CPA6: variants seen among roughly 807,000 people sequenced by gnomAD.
The protein encoded by CPA6 is carboxypeptidase A6, also known as carboxypeptidase B.
CPA6 carries 58 observed loss-of-function variants against 63.3 expected under a neutral mutation model. The observed-to-expected ratio is 0.92, with a 90% CI of 0.74 to 1.14. The LOEUF (loss-of-function observed/expected upper bound fraction) is 1.14, where lower values mean the gene tolerates loss of function less well. Ranked by LOEUF, CPA6 falls within the 50% of genes most tolerant of loss-of-function variation. The pLI is 0.00. For synonymous variants in CPA6, 185 were observed against 179.0 expected (o/e 1.03, Z -0.27); for missense variants, 565 against 526.6 (o/e 1.07, Z -0.71).
intron 1 of CPA6, among the ~76,000 whole-genome samples, chr8:67,699,310 G>T (rs991851091): frequency 4.6e-5 from 7 of 151,964 alleles, no homozygotes; most frequent in African/African-American, 7.3e-5. Flanking sequence ...CAGCTACTTG[G>T]AAGGCTGAGG....
rs376304846 is a variant in CPA6 at position 67,746,229 on chromosome 8, G to T, written c.-100C>A. Reference sequence around the variant, plus strand: ...CACACCGCACAGGTTCTCCGGGAAGGGGGTGGGCGAGGAAGGTTGAGAGTG... The same window carrying T: ...CACACCGCACAGGTTCTCCGGGAAGTGGGTGGGCGAGGAAGGTTGAGAGTG... On this transcript the variant is annotated 5_prime_UTR_variant, in exon 1 of 11. Coordinates refer to ENST00000297770, the MANE Select transcript of CPA6 (RefSeq NM_020361.5). The T allele has an allele frequency of 6.6e-6, 5 of 759,348 alleles. No homozygotes were observed. The highest frequency in any genetic ancestry group is 3.5e-5 in the African/African-American group (2 of 57,564). The allele number at this position is 759,348 out of a possible 1,614,324, so 47.0% of individuals were successfully genotyped here.
At chr8:67,423,309 T>C (rs914144652) in intron 10 of CPA6, among the ~76,000 whole-genome samples, 15 of 152,228 alleles carry the variant, frequency 9.9e-5, no homozygotes. Flanking sequence ...GGCCTTGAAC[T>C]CCTGGGCTCA....
intron 8 of CPA6, among the ~76,000 whole-genome samples, chr8:67,463,451 A>AAAATAAATAAATAAAT (rs771013655): frequency 4.9e-5 from 7 of 142,190 alleles, no homozygotes; most frequent in African/African-American, 1.8e-4. Context: ...CTCTCTCTCA[A>AAAATAAATAAATAAAT]AAATAAATAA....
chr8:67,587,588 T>C (rs1242128195), intron 2 of CPA6, among the ~76,000 whole-genome samples: 2 of 152,060 alleles, frequency 1.3e-5, no homozygotes, highest in South Asian at 2.1e-4. Context: ...ATATGGTTAG[T>C]GTGTTGGTCA....
intron 8 of CPA6, among the ~76,000 whole-genome samples, chr8:67,456,963 C>T (rs980237197): frequency 6.6e-6 from 1 of 152,198 alleles, no homozygotes; most frequent in African/African-American, 2.4e-5. Flanking sequence ...ATATAGCGGC[C>T]TCTAGGAGCT....
chr8:67,552,026 C>A (rs897182717), intron 2 of CPA6, among the ~76,000 whole-genome samples: 3 of 152,146 alleles, frequency 2.0e-5, no homozygotes, highest in Non-Finnish European at 2.9e-5. Flanking sequence ...ACTTTTTCTC[C>A]TTTTTATCTC....
chr8:67,642,545 T>A (rs1815616679), intron 1 of CPA6, among the ~76,000 whole-genome samples: 1 of 152,070 alleles, frequency 6.6e-6, no homozygotes, highest in Admixed American at 6.5e-5. Context: ...AACGCACTTG[T>A]GAAGAAGAAG....
At chr8:67,720,881 T>A (rs1176301543) in intron 1 of CPA6, among the ~76,000 whole-genome samples, 6 of 152,190 alleles carry the variant, frequency 3.9e-5, no homozygotes, top group African/African-American at 1.4e-4. Context: ...TTTGCATAGT[T>A]TATTCAGCCT....
At chr8:67,580,336 G>C (rs1813738158) in intron 2 of CPA6, among the ~76,000 whole-genome samples, 1 of 152,222 alleles carries the variant, frequency 6.6e-6, no homozygotes, top group Non-Finnish European at 1.5e-5. Context: ...CACAAGTTGA[G>C]ATAGCATCAT....
At chr8:67,450,031 G>A (rs1054595557) in intron 8 of CPA6, among the ~76,000 whole-genome samples, 1 of 151,612 alleles carries the variant, frequency 6.6e-6, no homozygotes, top group African/African-American at 2.4e-5. Flanking sequence ...GGCCAGGCTG[G>A]TCTCGAACTC....
chr8:67,601,384 C>T (rs1814493163), intron 2 of CPA6, among the ~76,000 whole-genome samples: 1 of 152,116 alleles, frequency 6.6e-6, no homozygotes, highest in Non-Finnish European at 1.5e-5. Flanking sequence ...CTAAGAAGCT[C>T]CAGTATTGTT....
intron 2 of CPA6, among the ~76,000 whole-genome samples, chr8:67,593,979 C>T (rs1277844089): frequency 2.0e-5 from 3 of 149,992 alleles, no homozygotes; most frequent in Non-Finnish European, 4.4e-5. Context: ...TTCCTAGTCT[C>T]TATGGTCTTT....
rs146332651 is a variant in CPA6 at position 67,677,173 on chromosome 8, G to T, written c.117-52922C>A. Among the ~76,000 whole-genome samples, 152 of 152,212 alleles carry T rather than the reference G, an allele frequency of 1.0e-3. 1 individual carries two copies. The highest frequency in any genetic ancestry group is 1.6e-3 in the Non-Finnish European group (111 of 68,012). On this transcript the variant is annotated intron_variant, in intron 1 of 10. Coordinates refer to ENST00000297770, the MANE Select transcript of CPA6 (RefSeq NM_020361.5). Reference sequence around the variant, plus strand: ...GGAATCTGCCAATATAATTCTTGCCGTGTCACAGCAGGTATTTATATACTG... The same window carrying T: ...GGAATCTGCCAATATAATTCTTGCCTTGTCACAGCAGGTATTTATATACTG...
chr8:67,575,820 C>CA (rs1813609972), intron 2 of CPA6, among the ~76,000 whole-genome samples: 1 of 140,050 alleles, frequency 7.1e-6, no homozygotes, highest in Non-Finnish European at 1.5e-5. Context: ...CCAGCCTGGG[C>CA]AACAGAGTGA....
chr8:67,595,362 C>G (rs910041436), intron 2 of CPA6, among the ~76,000 whole-genome samples: 1 of 152,200 alleles, frequency 6.6e-6, no homozygotes. Flanking sequence ...GCAGTCTGCC[C>G]GTTCTCAGAT....
At chr8:67,475,885 T>TCTC (rs1563968059) in intron 8 of CPA6, among the ~76,000 whole-genome samples, 536 of 40,216 alleles carry the variant, frequency 0.013, 1 homozygote, top group Non-Finnish European at 0.016. Flanking sequence ...CTTTCTCCTT[T>TCTC]CTTTCTTTCT....
At chr8:67,610,505 T>G (rs1254784841) in intron 2 of CPA6, among the ~76,000 whole-genome samples, 1 of 152,258 alleles carries the variant, frequency 6.6e-6, no homozygotes, top group African/African-American at 2.4e-5. Flanking sequence ...ATTATCTAAA[T>G]ATACTAAGAT....
chr8:67,422,740 T>TA (rs1409708498), intron 10 of CPA6, 49 bp from the exon 11 acceptor site: 1 of 1,422,414 alleles, frequency 7.0e-7, no homozygotes, highest in East Asian at 2.3e-5. Flanking sequence ...AAAGAGTCAG[T>TA]ATAATTTTCT....
chr8:67,532,338 T>TG (rs1812494184), intron 2 of CPA6, among the ~76,000 whole-genome samples: 1 of 149,250 alleles, frequency 6.7e-6, no homozygotes, highest in African/African-American at 2.6e-5. Flanking sequence ...ATTCATCAAA[T>TG]AAAAAAAATA....
Sources: gnomAD v4.1 joint callset for allele counts (sites outside exome capture counted in the v4.1 genomes callset) on GRCh38, gnomAD v4.1.1 for gene constraint, MANE v1.5 for transcripts, NCBI Gene and HGNC (gene_info 2026-07-23, HGNC 2026-07-21) for gene names.